NFIA: variants seen among roughly 807,000 people sequenced by gnomAD.
The protein encoded by NFIA is nuclear factor I A, also known as nuclear factor 1 A-type.
Under a neutral mutation model 62.8 loss-of-function variants are expected in NFIA, and 8 were observed. The ratio of observed to expected loss-of-function variants is 0.13; its 90% CI spans 0.07 to 0.23. NFIA has a LOEUF of 0.23. NFIA is among the 10% of genes least tolerant of loss of function. The pLI is 1.00. For missense variants in NFIA, 410 were observed against 642.1 expected, an observed-to-expected ratio of 0.64 and a Z score of 3.91; for synonymous variants, 235 against 238.1, an observed-to-expected ratio of 0.99 and a Z score of 0.12.
At chr1:61,236,531 G>T (rs58144157) in intron 2 of NFIA, among the ~76,000 whole-genome samples, 4 of 151,884 alleles carry the variant, frequency 2.6e-5, no homozygotes, top group African/African-American at 9.7e-5. Flanking sequence ...AAGAGAAAAT[G>T]CCGAAGTTGT....
At chr1:61,297,104 G>C (rs1267065493) in intron 3 of NFIA, among the ~76,000 whole-genome samples, 1 of 152,144 alleles carries the variant, frequency 6.6e-6, no homozygotes, top group African/African-American at 2.4e-5. Flanking sequence ...ACAATTACCA[G>C]TTTAATTCAT....
At chr1:61,273,818 G>T (rs1657652022) in intron 2 of NFIA, among the ~76,000 whole-genome samples, 1 of 152,178 alleles carries the variant, frequency 6.6e-6, no homozygotes, top group Admixed American at 6.5e-5. Flanking sequence ...AATTCTAGGT[G>T]AAAGGGAAGA....
At chr1:61,387,805 T>C (rs1664782780) in intron 7 of NFIA, among the ~76,000 whole-genome samples, 1 of 152,260 alleles carries the variant, frequency 6.6e-6, no homozygotes, top group South Asian at 2.1e-4. Flanking sequence ...ATCCCCTCTC[T>C]GACCCTGATG....
At chr1:61,089,041 T>A (rs1271669551) in intron 2 of NFIA, among the ~76,000 whole-genome samples, 1 of 152,246 alleles carries the variant, frequency 6.6e-6, no homozygotes. Flanking sequence ...GCATTTATTT[T>A]GGTATTGAGG....
In NFIA at chr1:61,461,587, A is replaced by G. The variant is rs1668532259; in HGVS notation, c.*6267A>G. ...GGTATGTGGGGAGCAGATAGCGGAA[A>G]TGCTTAGAAAGATAAGGGGGACCAC... On this transcript the variant is annotated 3_prime_UTR_variant, in exon 11 of 11. Coordinates refer to ENST00000403491, the MANE Select transcript of NFIA (RefSeq NM_001134673.4). 6.6e-6 allele frequency: 1 copy of G among 152,182 alleles called. No individual in the cohort carries two copies. The highest frequency in any genetic ancestry group is 1.5e-5 in the Non-Finnish European group (1 of 68,040). 9.4% of individuals were successfully genotyped at this position (152,182 alleles called of 1,614,324 possible). A position where few individuals can be genotyped will look rare whatever the true frequency, so the allele number is the denominator to read the frequency against.
intron 10 of NFIA, among the ~76,000 whole-genome samples, chr1:61,432,165 C>G (rs1043753945): frequency 6.6e-6 from 1 of 151,656 alleles, no homozygotes; most frequent in Non-Finnish European, 1.5e-5. Context: ...GTTTTTCTGT[C>G]CTTGTCCTTG....
intron 2 of NFIA, among the ~76,000 whole-genome samples, chr1:61,229,771 T>G (rs1175022006): frequency 1.3e-5 from 2 of 152,164 alleles, no homozygotes; most frequent in East Asian, 3.8e-4. Context: ...TTACTAAAAA[T>G]CATGTGGAAC....
chr1:61,143,624 C>G (rs929376428), intron 2 of NFIA, among the ~76,000 whole-genome samples: 2 of 152,128 alleles, frequency 1.3e-5, no homozygotes, highest in Admixed American at 6.5e-5. Flanking sequence ...CTTCTGGACT[C>G]AAGTGATCTG....
At chr1:61,415,117 TAA>T (rs911388794) in intron 9 of NFIA, among the ~76,000 whole-genome samples, 2 of 152,212 alleles carry the variant, frequency 1.3e-5, no homozygotes, top group Non-Finnish European at 2.9e-5. Flanking sequence ...TACAGTATTT[TAA>T]TCTATGATAA....
chr1:61,258,936 G>C (rs1656590445), intron 2 of NFIA, among the ~76,000 whole-genome samples: 1 of 151,960 alleles, frequency 6.6e-6, no homozygotes, highest in African/African-American at 2.4e-5. Flanking sequence ...GCCCAGGCTG[G>C]TCTCGAACTC....
rs1168961489 is a variant in NFIA at position 61,462,717 on chromosome 1, A to G, written c.*7397A>G. 1 of 152,224 alleles carries G rather than the reference A, an allele frequency of 6.6e-6. No individual in the cohort carries two copies. The highest frequency in any genetic ancestry group is 2.4e-5 in the African/African-American group (1 of 41,448). The allele number at this position is 152,224 out of a possible 1,614,324, so 9.4% of individuals were successfully genotyped here. A position where few individuals can be genotyped will look rare whatever the true frequency, so the allele number is the denominator to read the frequency against. On this transcript the variant is annotated 3_prime_UTR_variant, in exon 11 of 11. Coordinates refer to ENST00000403491, the MANE Select transcript of NFIA (RefSeq NM_001134673.4). ...AGTGCTACCACCTTCTCACATTACA[A>G]TACAATTACTGGAAGCAAGTACTGC...
chr1:61,200,412 GAA>G, intron 2 of NFIA, among the ~76,000 whole-genome samples: 1 of 149,864 alleles, frequency 6.7e-6, no homozygotes, highest in African/African-American at 2.4e-5. Context: ...ACTTCACACA[GAA>G]AAAAAAAGAA....
At chr1:61,155,476 A>G (rs1177463816) in intron 2 of NFIA, among the ~76,000 whole-genome samples, 1 of 150,858 alleles carries the variant, frequency 6.6e-6, no homozygotes, top group Non-Finnish European at 1.5e-5. Flanking sequence ...GATCGAGACC[A>G]TCCTGGCTAA....
Position 61,088,061 on chromosome 1 carries a change from ATTTC to A in NFIA, c.28-81_28-78del, listed in dbSNP as rs1446347676. On this transcript the variant is annotated intron_variant, in intron 1 of 10. Coordinates refer to ENST00000403491, the MANE Select transcript of NFIA (RefSeq NM_001134673.4). The surrounding 1 kb of genome is among the most constrained non-coding windows in gnomAD (Gnocchi z 4.5). ...AATCAAATTTCAAGTGAAATGAGGA[ATTTC>A]TTTCTTAAGGTGACCCGCTGAAGAA... 1.2e-4 allele frequency: 164 copies of A among 1,324,868 alleles called. No homozygotes were observed. The highest frequency in any genetic ancestry group is 1.6e-4 in the Non-Finnish European group (152 of 965,786). 82.1% of individuals were successfully genotyped at this position (1,324,868 alleles called of 1,614,324 possible). A position where few individuals can be genotyped will look rare whatever the true frequency, so the allele number is the denominator to read the frequency against.
Position 61,203,399 on chromosome 1 carries a change from C to T in NFIA, c.560-74121C>T, listed in dbSNP as rs78017795. ...AGCACGAGTTCCACGGGATGGCTCA[C>T]CACCCTCCCTTATTTATAAAACAGA... On this transcript the variant is annotated intron_variant, in intron 2 of 10. Coordinates refer to ENST00000403491, the MANE Select transcript of NFIA (RefSeq NM_001134673.4). 8.5e-5 allele frequency among the ~76,000 whole-genome samples: 13 copies of T among 152,234 alleles called. No homozygotes were observed. The East Asian group carries it at 2.1e-3, about 25-fold the overall frequency.
At chr1:61,347,313 A>G (rs1333665847) in intron 4 of NFIA, among the ~76,000 whole-genome samples, 2 of 151,500 alleles carry the variant, frequency 1.3e-5, no homozygotes, top group African/African-American at 2.4e-5. Context: ...AGCTGGGACT[A>G]CAGGCGCCCA....
intron 4 of NFIA, among the ~76,000 whole-genome samples, chr1:61,347,543 G>C (rs569364922): frequency 6.6e-6 from 1 of 152,166 alleles, no homozygotes; most frequent in African/African-American, 2.4e-5. Flanking sequence ...CCTGTGTCCT[G>C]TGCCTCTTTA....
chr1:61,291,068 G>T (rs1570524429), intron 3 of NFIA, among the ~76,000 whole-genome samples: 1 of 152,204 alleles, frequency 6.6e-6, no homozygotes, highest in Non-Finnish European at 1.5e-5. Flanking sequence ...TTAATGGTAA[G>T]AAGATACAGA....
At chr1:61,361,523 G>A (rs551989026) in intron 6 of NFIA, among the ~76,000 whole-genome samples, 135 of 152,210 alleles carry the variant, frequency 8.9e-4, no homozygotes, top group African/African-American at 3.2e-3. Context: ...GCTTTATTAG[G>A]TTGAGGTACT....
Sources: allele counts gnomAD v4.1 joint callset (sites outside exome capture counted in the v4.1 genomes callset), GRCh38; gene constraint gnomAD v4.1.1; non-coding constraint Gnocchi (gnomAD v3.1); transcripts MANE v1.5; gene names NCBI Gene and HGNC (gene_info 2026-07-23, HGNC 2026-07-21).